The following ZNF804A variants were observed in gnomAD, a reference collection of about 807,000 sequenced individuals.
The protein encoded by ZNF804A is zinc finger protein 804A.
In ZNF804A, 2 loss-of-function variants were observed where a neutral mutation model predicts 16.5. That is an observed-to-expected ratio of 0.12 (90% CI 0.05 to 0.38). The LOEUF (loss-of-function observed/expected upper bound fraction) is 0.38, where lower values mean the gene tolerates loss of function less well. ZNF804A is among the 10% of genes least tolerant of loss of function. The probability of loss-of-function intolerance (pLI) is 0.99; values close to 1 mark genes in which losing one functional copy is unlikely to be tolerated. For missense variants in ZNF804A, 1,473 were observed against 1,390.7 expected (o/e 1.06, Z -0.94); for synonymous variants, 534 against 489.6 (o/e 1.09, Z -1.20).
Position 184,912,950 on chromosome 2 carries a change from A to G in ZNF804A, c.256-20653A>G, listed in dbSNP as rs370776218. 3.3e-5 allele frequency among the ~76,000 whole-genome samples: 5 copies of G among 152,054 alleles called. No homozygotes were observed. In the East Asian group the frequency reaches 7.7e-4, roughly 23 times the overall value. On this transcript the variant is annotated intron_variant, in intron 2 of 3. Transcript: ENST00000302277. ...TTAATTTTAATGAAGTCCCATTAAT[A>G]TATTTTTCTTTTGTTGCTCATGCTT...
At chr2:184,663,136 T>C (rs1370062750) in intron 1 of ZNF804A, among the ~76,000 whole-genome samples, 1 of 152,176 alleles carries the variant, frequency 6.6e-6, no homozygotes, top group Admixed American at 6.5e-5. Context: ...GGAGGCCTGC[T>C]GTCCTGGCCA....
At chr2:184,759,750 A>G (rs903692316) in intron 1 of ZNF804A, among the ~76,000 whole-genome samples, 1 of 151,926 alleles carries the variant, frequency 6.6e-6, no homozygotes, top group African/African-American at 2.4e-5. Flanking sequence ...GCCTTAACTG[A>G]TGACATTACC....
chr2:184,805,682 G>A (rs1302867716), intron 1 of ZNF804A, among the ~76,000 whole-genome samples: 2 of 151,942 alleles, frequency 1.3e-5, no homozygotes, highest in African/African-American at 4.8e-5. Context: ...CTCTTTTTCA[G>A]AATAGGTAGT....
intron 1 of ZNF804A, among the ~76,000 whole-genome samples, chr2:184,705,533 T>C (rs988566133): frequency 2.0e-5 from 3 of 152,336 alleles, no homozygotes; most frequent in African/African-American, 4.8e-5. Context: ...AGAGTACAAC[T>C]ACAATTATAA....
intron 1 of ZNF804A, among the ~76,000 whole-genome samples, chr2:184,689,043 CATATACACACTAGTAGA>C (rs975703670): frequency 1.3e-5 from 2 of 152,026 alleles, no homozygotes; most frequent in Non-Finnish European, 2.9e-5. Context: ...TTTAATAACA[CATATACACACTAGTAGA>C]ATATGGAATA....
At chr2:184,716,037 C>T (rs1693208267) in intron 1 of ZNF804A, among the ~76,000 whole-genome samples, 1 of 152,100 alleles carries the variant, frequency 6.6e-6, no homozygotes, top group African/African-American at 2.4e-5. Context: ...TCCATTATTC[C>T]TATCAGTTTT....
At chr2:184,802,696 A>C (rs1174561618) in intron 1 of ZNF804A, among the ~76,000 whole-genome samples, 3 of 152,226 alleles carry the variant, frequency 2.0e-5, no homozygotes, top group Non-Finnish European at 4.4e-5. Context: ...TAGTTTGTTC[A>C]GCTTTTTTAC....
intron 1 of ZNF804A, among the ~76,000 whole-genome samples, chr2:184,642,102 T>C (rs1691804366): frequency 6.6e-6 from 1 of 152,194 alleles, no homozygotes; most frequent in South Asian, 2.1e-4. Context: ...AATTATTTTC[T>C]TACAGTGTAG....
intron 1 of ZNF804A, among the ~76,000 whole-genome samples, chr2:184,737,550 A>C (rs559474778): frequency 6.6e-6 from 1 of 152,276 alleles, no homozygotes; most frequent in Non-Finnish European, 1.5e-5. Context: ...ATTATCATTA[A>C]TATCTCTCTA....
chr2:184,853,570 T>C (rs1695637540), intron 1 of ZNF804A, among the ~76,000 whole-genome samples: 3 of 151,892 alleles, frequency 2.0e-5, no homozygotes, highest in Non-Finnish European at 4.4e-5. Flanking sequence ...TGCATATTCC[T>C]TCTATATCTA....
At chr2:184,766,741 T>C (rs1435815804) in intron 1 of ZNF804A, among the ~76,000 whole-genome samples, 4 of 152,096 alleles carry the variant, frequency 2.6e-5, no homozygotes, top group Non-Finnish European at 5.9e-5. Context: ...ATTCATATTG[T>C]CTCAAAGAGA....
At chr2:184,739,629 T>G (rs1693683354) in intron 1 of ZNF804A, among the ~76,000 whole-genome samples, 1 of 152,166 alleles carries the variant, frequency 6.6e-6, no homozygotes, top group Admixed American at 6.5e-5. Flanking sequence ...TGACAAGAAG[T>G]GATCCTCCAG....
At chr2:184,643,591 A>G (rs541262562) in intron 1 of ZNF804A, among the ~76,000 whole-genome samples, 5 of 152,054 alleles carry the variant, frequency 3.3e-5, no homozygotes, top group South Asian at 2.1e-4. Flanking sequence ...TCCCATAGTT[A>G]AGAATGCAGA....
intron 2 of ZNF804A, among the ~76,000 whole-genome samples, chr2:184,872,009 C>G (rs1695983039): frequency 6.6e-6 from 1 of 151,978 alleles, no homozygotes; most frequent in African/African-American, 2.4e-5. Context: ...AGACCTACTT[C>G]TAGTTTCTTT....
At chr2:184,661,474 C>A (rs1398418582) in intron 1 of ZNF804A, among the ~76,000 whole-genome samples, 3 of 152,120 alleles carry the variant, frequency 2.0e-5, no homozygotes, top group Non-Finnish European at 2.9e-5. Context: ...TATTGAGCGA[C>A]AGAAGAAAAG....
chr2:184,918,622 C>A (rs1685487688), intron 2 of ZNF804A, among the ~76,000 whole-genome samples: 1 of 152,122 alleles, frequency 6.6e-6, no homozygotes, highest in Non-Finnish European at 1.5e-5. Flanking sequence ...TGAGGGTAAT[C>A]AAACAGTATT....
At chr2:184,645,681 T>C (rs1440847579) in intron 1 of ZNF804A, among the ~76,000 whole-genome samples, 2 of 152,214 alleles carry the variant, frequency 1.3e-5, no homozygotes, top group African/African-American at 4.8e-5. Flanking sequence ...TTTTTTATTT[T>C]CCCAAAGATG....
chr2:184,669,467 C>T lies in ZNF804A; in HGVS notation c.111+70397C>T, dbSNP rs1029199262. Among the ~76,000 whole-genome samples the T allele has an allele frequency of 3.9e-5, 6 of 151,912 alleles. No homozygotes were observed. The East Asian group carries it at 5.8e-4, about 15-fold the overall frequency. ...TCAGTTTTCTCTTCATTTAATAATA[C>T]GTATTTCTTAAGTTAAAACATGAAA... On this transcript the variant is annotated intron_variant, in intron 1 of 3. Coordinates refer to ENST00000302277, the MANE Select transcript of ZNF804A (RefSeq NM_194250.2).
At chr2:184,933,491 C>T (rs1685737148) in intron 2 of ZNF804A, 112 bp from the exon 3 acceptor site, 1 of 986,010 alleles carries the variant, frequency 1.0e-6, no homozygotes, top group Admixed American at 3.2e-5. Flanking sequence ...TTGTGTTTAC[C>T]TCTCGACAAG....
Sources: gnomAD v4.1 joint callset for allele counts (sites outside exome capture counted in the v4.1 genomes callset) on GRCh38, gnomAD v4.1.1 for gene constraint, MANE v1.5 for transcripts, NCBI Gene and HGNC (gene_info 2026-07-23, HGNC 2026-07-21) for gene names.